The following SLC23A2 variants were observed in gnomAD, a reference collection of about 807,000 sequenced individuals.
The protein encoded by SLC23A2 is Na(+)/L-ascorbic acid transporter 2.
SLC23A2 carries 36 observed loss-of-function variants against 73.3 expected under a neutral mutation model. That is an observed-to-expected ratio of 0.49 (90% CI 0.38 to 0.65). SLC23A2 has a LOEUF of 0.65. Among genes scored for constraint, SLC23A2 ranks in the 30% least tolerant of loss-of-function variants. SLC23A2 has a pLI of 0.00. For missense variants in SLC23A2, 507 were observed against 841.6 expected (o/e 0.60, Z 4.92); for synonymous variants, 343 against 327.3 (o/e 1.05, Z -0.52).
chr20:4,930,991 G>A (rs2000246), intron 3 of SLC23A2, among the ~76,000 whole-genome samples: 1 of 114,706 alleles, frequency 8.7e-6, no homozygotes, highest in African/African-American at 3.3e-5. Flanking sequence ...TTTTTTTTAA[G>A]AAAAGTTATT....
At chr20:4,859,192 T>C in intron 16 of SLC23A2, 97 bp downstream of exon 16, 1 of 766,676 alleles carries the variant, frequency 1.3e-6, no homozygotes, top group Non-Finnish European at 2.3e-6. Flanking sequence ...TTTGAACTCA[T>C]TTACTCTTCC....
At chr20:4,869,405 T>TAAAAA (rs199826860) in intron 12 of SLC23A2, among the ~76,000 whole-genome samples, 8 of 118,826 alleles carry the variant, frequency 6.7e-5, no homozygotes, top group African/African-American at 1.9e-4. Context: ...TCAGTTTGTG[T>TAAAAA]AAAAAAAAAA....
intron 3 of SLC23A2, among the ~76,000 whole-genome samples, chr20:4,914,059 C>T (rs554214959): frequency 5.9e-4 from 89 of 151,846 alleles, no homozygotes; most frequent in Admixed American, 5.8e-3. Context: ...AGTGCAACTA[C>T]ATTTAAAAAC....
chr20:4,884,244 G>T (rs150434210), intron 8 of SLC23A2, among the ~76,000 whole-genome samples: 28 of 152,334 alleles, frequency 1.8e-4, no homozygotes, highest in African/African-American at 6.0e-4. Context: ...GATGTTTTTA[G>T]TGTGCAGAAT....
chr20:4,969,581 T>C (rs1479145047), intron 2 of SLC23A2, among the ~76,000 whole-genome samples: 1 of 122,608 alleles, frequency 8.2e-6, no homozygotes, highest in African/African-American at 3.9e-5. Context: ...GACAGCATCC[T>C]TTTTTTTTTT....
chr20:4,941,293 TAA>T (rs975292271), intron 2 of SLC23A2, among the ~76,000 whole-genome samples: 33 of 152,048 alleles, frequency 2.2e-4, no homozygotes, highest in Non-Finnish European at 3.8e-4. Flanking sequence ...TCTGGGAGGC[TAA>T]GAGTGGGACG....
chr20:4,867,681 G>C, intron 13 of SLC23A2, 89 bp downstream of exon 13: 2 of 400,296 alleles, frequency 5.0e-6, no homozygotes, highest in Non-Finnish European at 4.6e-6. Flanking sequence ...CCAGAGGCCC[G>C]CCCATTTGGA....
chr20:4,913,035 C>A (rs371428035), intron 3 of SLC23A2, 57 bp from the exon 4 acceptor site: 10 of 1,151,452 alleles, frequency 8.7e-6, no homozygotes, highest in South Asian at 2.5e-5. Context: ...TTCCTCCCCC[C>A]GAAAGCCATT....
intron 2 of SLC23A2, among the ~76,000 whole-genome samples, chr20:4,940,600 T>C (rs897240999): frequency 6.6e-6 from 1 of 152,308 alleles, no homozygotes; most frequent in African/African-American, 2.4e-5. Context: ...CATTTTAACA[T>C]TGTTAAGAAA....
chr20:4,913,008 T>C (rs1422825768), intron 3 of SLC23A2, 30 bp from the exon 4 acceptor site: 1 of 1,461,116 alleles, frequency 6.8e-7, no homozygotes, highest in Non-Finnish European at 9.6e-7. Flanking sequence ...AGAGGCTGTT[T>C]CAGCGTGAAC....
At chr20:4,985,260 C>G (rs1030513071) in intron 1 of SLC23A2, among the ~76,000 whole-genome samples, 18 of 151,472 alleles carry the variant, frequency 1.2e-4, no homozygotes, top group African/African-American at 3.6e-4. Context: ...ATGTTCATAA[C>G]AGCATTATTT....
chr20:4,869,075 G>A (rs758381153), intron 12 of SLC23A2: 1 of 152,182 alleles, frequency 6.6e-6, no homozygotes, highest in Non-Finnish European at 1.5e-5. Context: ...CTGTCTGTCC[G>A]ATTGTGGCAG....
rs1163408623 is a variant in SLC23A2 at position 4,899,029 on chromosome 20, A to G, written c.482+526T>C. ...AAGGCAGGAGACAGGGCTCAGAGGC[A>G]TGGCTGGAGATGGAAGTGGGGCAGA... On this transcript the variant is annotated intron_variant, in intron 6 of 16. Coordinates refer to ENST00000338244, the MANE Select transcript of SLC23A2 (RefSeq NM_005116.6). The surrounding 1 kb of genome is among the most constrained non-coding windows in gnomAD (Gnocchi z 4.9). Among the ~76,000 whole-genome samples the G allele has an allele frequency of 6.6e-6, 1 of 152,184 alleles. No individual in the cohort carries two copies. Among genetic ancestry groups the G allele is most frequent in the South Asian group, 2.1e-4 (1 of 4,832 alleles).
chr20:4,989,555 A>T (rs2087890864), intron 1 of SLC23A2, among the ~76,000 whole-genome samples: 1 of 152,060 alleles, frequency 6.6e-6, no homozygotes, highest in South Asian at 2.1e-4. Flanking sequence ...TCACACCTGT[A>T]ATCCTGGCAC....
chr20:4,916,272 C>T (rs1022369859), intron 3 of SLC23A2, among the ~76,000 whole-genome samples: 7 of 152,284 alleles, frequency 4.6e-5, no homozygotes, highest in East Asian at 3.9e-4. Context: ...AAGAGCAACA[C>T]GCTCTCAGGA....
At chr20:4,967,771 G>A (rs2087496749) in intron 2 of SLC23A2, among the ~76,000 whole-genome samples, 1 of 152,110 alleles carries the variant, frequency 6.6e-6, no homozygotes, top group Admixed American at 6.5e-5. Flanking sequence ...ACTGAGTTCC[G>A]CAGCATCTGT....
chr20:4,933,473 A>T (rs756791169), intron 2 of SLC23A2, among the ~76,000 whole-genome samples: 4 of 151,874 alleles, frequency 2.6e-5, no homozygotes, highest in Non-Finnish European at 5.9e-5. Flanking sequence ...TAATAATAAT[A>T]CAAAAATCAG....
chr20:4,952,103 CAAAAAAAAAAAA>C (rs57832305), intron 2 of SLC23A2, among the ~76,000 whole-genome samples: 4 of 40,534 alleles, frequency 9.9e-5, no homozygotes, highest in East Asian at 8.6e-4. Flanking sequence ...GACTCTGACT[CAAAAAAAAAAAA>C]AAAAAAAAAA....
chr20:4,989,871 A>G (rs2122317611), intron 1 of SLC23A2, among the ~76,000 whole-genome samples: 1 of 152,234 alleles, frequency 6.6e-6, no homozygotes, highest in African/African-American at 2.4e-5. Flanking sequence ...AATAAGAACA[A>G]CAGAGTTTGG....
Sources: allele counts gnomAD v4.1 joint callset (sites outside exome capture counted in the v4.1 genomes callset), GRCh38; gene constraint gnomAD v4.1.1; non-coding constraint Gnocchi (gnomAD v3.1); transcripts MANE v1.5; gene names NCBI Gene and HGNC (gene_info 2026-07-23, HGNC 2026-07-21).